Variants in DLEU7 observed in about 807,000 individuals in gnomAD.
DLEU7 encodes the protein leukemia-associated protein 7.
Under a neutral mutation model 16.0 loss-of-function variants are expected in DLEU7, and 17 were observed. That is an observed-to-expected ratio of 1.06 (90% CI 0.73 to 1.59). The LOEUF (loss-of-function observed/expected upper bound fraction) is 1.59. Ranked by LOEUF, DLEU7 falls within the 40% of genes most tolerant of loss-of-function variation. The pLI is 0.00. For synonymous variants in DLEU7, 113 were observed against 139.8 expected (o/e 0.81, Z 1.35); for missense variants, 308 against 314.9 (o/e 0.98, Z 0.17).
chr13:50,788,979 A>C (rs1298227993), intron 1 of DLEU7, among the ~76,000 whole-genome samples: 4 of 152,210 alleles, frequency 2.6e-5, no homozygotes, highest in Admixed American at 1.3e-4. Flanking sequence ...CAGCCGAGTG[A>C]AGTTTATTTT....
At chr13:50,759,490 T>C (rs1296992868) in intron 1 of DLEU7, among the ~76,000 whole-genome samples, 1 of 143,860 alleles carries the variant, frequency 7.0e-6, no homozygotes, top group Non-Finnish European at 1.5e-5. Flanking sequence ...GTTAAATGAA[T>C]AAGTTTTGGG....
At chr13:50,798,860 G>T (rs1876171886) in intron 1 of DLEU7, among the ~76,000 whole-genome samples, 1 of 152,130 alleles carries the variant, frequency 6.6e-6, no homozygotes, top group Non-Finnish European at 1.5e-5. Flanking sequence ...CCTAGCTCTT[G>T]GGACCCACTC....
At chr13:50,809,682 G>A (rs1876503986) in intron 1 of DLEU7, among the ~76,000 whole-genome samples, 1 of 152,056 alleles carries the variant, frequency 6.6e-6, no homozygotes, top group African/African-American at 2.4e-5. Context: ...ACTTAACCAG[G>A]CCAAAAACAC....
At chr13:50,722,738 A>T (rs1395341931) in intron 1 of DLEU7, among the ~76,000 whole-genome samples, 1 of 152,254 alleles carries the variant, frequency 6.6e-6, no homozygotes, top group East Asian at 1.9e-4. Flanking sequence ...ATTGTCCTTC[A>T]TAAACCATTC....
In DLEU7 at chr13:50,843,169, T is replaced by A; in HGVS notation, c.459+19A>T. On this transcript the variant is annotated intron_variant, in intron 1 of 1. Transcript: ENST00000504404. The surrounding 1 kb of genome is among the most constrained non-coding windows in gnomAD (Gnocchi z 5.7). Reference sequence around the variant, plus strand: ...AGGTTACCCTGCACGCCAGAGGGGATGGCGGGGGCCAGACTCACCTTCAGG... The same window carrying A: ...AGGTTACCCTGCACGCCAGAGGGGAAGGCGGGGGCCAGACTCACCTTCAGG... 1 of 1,581,456 alleles carries A rather than the reference T, an allele frequency of 6.3e-7. No homozygotes were observed.
chr13:50,832,799 G>C (rs1296832770), intron 1 of DLEU7, among the ~76,000 whole-genome samples: 6 of 152,168 alleles, frequency 3.9e-5, no homozygotes, highest in African/African-American at 1.4e-4. Flanking sequence ...TTCTGAGTGA[G>C]TTTCTTAATC....
intron 1 of DLEU7, among the ~76,000 whole-genome samples, chr13:50,744,368 C>T (rs2137727730): frequency 6.6e-6 from 1 of 152,306 alleles, no homozygotes; most frequent in East Asian, 1.9e-4. Context: ...TTCTCTAGCA[C>T]CTGCTTAATG....
At chr13:50,838,268 C>T (rs770786308) in intron 1 of DLEU7, among the ~76,000 whole-genome samples, 8 of 152,186 alleles carry the variant, frequency 5.3e-5, no homozygotes, top group Non-Finnish European at 8.8e-5. Context: ...CTCATTGAAA[C>T]GGGTGAGCTC....
At chr13:50,760,402 C>A (rs182332431) in intron 1 of DLEU7, among the ~76,000 whole-genome samples, 1 of 152,260 alleles carries the variant, frequency 6.6e-6, no homozygotes, top group East Asian at 1.9e-4. Context: ...CACTCTGTTG[C>A]CCAGGCTGGA....
At chr13:50,760,319 A>G (rs1874890905) in intron 1 of DLEU7, among the ~76,000 whole-genome samples, 1 of 152,214 alleles carries the variant, frequency 6.6e-6, no homozygotes, top group Non-Finnish European at 1.5e-5. Flanking sequence ...TACAAATATA[A>G]GTACTTTTAA....
intron 1 of DLEU7, 132 bp from the exon 2 acceptor site, chr13:50,823,652 T>C (rs564634989): frequency 5.2e-4 from 558 of 1,073,370 alleles, no homozygotes; most frequent in Non-Finnish European, 6.4e-4. Flanking sequence ...CTTGGAAAAC[T>C]ACACCCCATT....
chr13:50,738,176 T>G (rs2761850), intron 1 of DLEU7, among the ~76,000 whole-genome samples: 17,628 of 152,182 alleles, frequency 0.12, 1,168 homozygotes, highest in African/African-American at 0.18. Flanking sequence ...TAGCAGAGGT[T>G]GGTTTATGAA....
downstream of DLEU7, among the ~76,000 whole-genome samples, chr13:50,821,720 C>T (rs141742792): frequency 3.1e-5 from 4 of 130,690 alleles, no homozygotes; most frequent in South Asian, 2.3e-4. Context: ...TTCACTATTT[C>T]GTTGGGTAAG....
intron 1 of DLEU7, among the ~76,000 whole-genome samples, chr13:50,839,339 G>A (rs1413228530): frequency 6.6e-6 from 1 of 152,200 alleles, no homozygotes; most frequent in Admixed American, 6.5e-5. Flanking sequence ...ATAAGATTTA[G>A]TACTGTTAAG....
chr13:50,802,579 C>T (rs74078446), intron 1 of DLEU7, among the ~76,000 whole-genome samples: 5,330 of 152,136 alleles, frequency 0.035, 310 homozygotes, highest in African/African-American at 0.12. Flanking sequence ...AAATTTTCTC[C>T]ATGGTTGTTC....
chr13:50,837,504 C>T (rs764179117), intron 1 of DLEU7, among the ~76,000 whole-genome samples: 4 of 152,150 alleles, frequency 2.6e-5, no homozygotes, highest in African/African-American at 7.2e-5. Context: ...CCGTGGCTTA[C>T]GGGGAGAGAA....
chr13:50,821,410 G>A (rs1876899791), downstream of DLEU7, among the ~76,000 whole-genome samples: 1 of 152,138 alleles, frequency 6.6e-6, no homozygotes, highest in Admixed American at 6.5e-5. Flanking sequence ...TAGATGCTAT[G>A]CAACATACAA....
Position 50,792,227 on chromosome 13 carries a change from T to C in DLEU7, c.459+50961A>G, listed in dbSNP as rs958352405. 2.0e-5 allele frequency among the ~76,000 whole-genome samples: 3 copies of C among 152,358 alleles called. No individual in the cohort carries two copies. The East Asian group carries it at 5.8e-4, about 29-fold the overall frequency. On this transcript the variant is annotated intron_variant, in intron 1 of 1. Transcript: ENST00000400393. Reference sequence around the variant, plus strand: ...ATTTTGTGTCAAATCAGTAGGAATATCTTTGCAATGGCTCATGTGATTTAG... The same window carrying C: ...ATTTTGTGTCAAATCAGTAGGAATACCTTTGCAATGGCTCATGTGATTTAG...
chr13:50,720,329 G>A (rs1873564708), intron 1 of DLEU7, among the ~76,000 whole-genome samples: 1 of 152,186 alleles, frequency 6.6e-6, no homozygotes, highest in African/African-American at 2.4e-5. Flanking sequence ...TCATATGTCA[G>A]CCAAACTTGG....
Sources: allele counts gnomAD v4.1 joint callset (sites outside exome capture counted in the v4.1 genomes callset), GRCh38; gene constraint gnomAD v4.1.1; non-coding constraint Gnocchi (gnomAD v3.1); transcripts MANE v1.5; gene names NCBI Gene and HGNC (gene_info 2026-07-23, HGNC 2026-07-21).